NPPA: variants seen among roughly 807,000 people sequenced by gnomAD.
The protein encoded by NPPA is natriuretic peptide A.
Under a neutral mutation model 12.2 loss-of-function variants are expected in NPPA, and 10 were observed. The ratio of observed to expected loss-of-function variants is 0.82; its 90% confidence interval spans 0.50 to 1.38. The LOEUF (loss-of-function observed/expected upper bound fraction) is 1.38, where lower values mean the gene tolerates loss of function less well. Ranked by LOEUF, NPPA falls within the 40% of genes most tolerant of loss-of-function variation. The probability of loss-of-function intolerance (pLI) is 0.00; values close to 1 mark genes in which losing one functional copy is unlikely to be tolerated. For missense variants in NPPA, 207 were observed against 193.5 expected (o/e 1.07, Z -0.41); for synonymous variants, 85 against 80.2 (o/e 1.06, Z -0.32).
chr1:11,845,820 C>G lies in NPPA; in HGVS notation c.*189G>C. 1 of 656,046 alleles carries G rather than the reference C, an allele frequency of 1.5e-6. No individual in the cohort carries two copies. The highest frequency in any genetic ancestry group is 2.3e-5 in the Admixed American group (1 of 43,220). 40.6% of individuals were successfully genotyped at this position (656,046 alleles called of 1,614,324 possible). On this transcript the variant is annotated 3_prime_UTR_variant, in exon 3 of 3. Transcript: ENST00000376480. The stretch of plus-strand genomic sequence containing the variant: ...TGGGGTGGGAGAGGCGAGGAAGTCA[C>G]CATCAAACCACTTTATCTACAGTTA...
Position 11,847,330 on chromosome 1 carries a change from G to A in NPPA, c.233C>T (p.Pro78Leu). The A allele has an allele frequency of 6.2e-7, 1 of 1,613,648 alleles. No homozygotes were observed. The highest frequency in any genetic ancestry group is 1.1e-5 in the South Asian group (1 of 91,080). Residue 78 changes from proline to leucine, a missense_variant, in exon 2 of 3, where the codon CCT becomes CTT. Coordinates refer to ENST00000376480, the MANE Select transcript of NPPA (RefSeq NM_006172.4). ...EEAGAALSPL[P>L]EVPPWTGEVS... ...TTCCCCGGTCCAGGGAGGCACCTCAGGGAGGGGGCTGAGAGCAGCCCCCGC... is the reference window on the plus strand; with the variant it reads ...TTCCCCGGTCCAGGGAGGCACCTCAAGGAGGGGGCTGAGAGCAGCCCCCGC...
Position 11,847,189 on chromosome 1 carries a change from A to C in NPPA, c.374T>G (p.Leu125Arg). The C allele has an allele frequency of 6.2e-7, 1 of 1,601,384 alleles. No homozygotes were observed. The highest frequency in any genetic ancestry group is 8.5e-7 in the Non-Finnish European group (1 of 1,170,806). Reference sequence around the variant, plus strand: ...GCCCCCGAAGCAGCTGGATCTCCGCAGGCTCCGAGGGGCAGTGAGCAGCGC... The same window carrying C: ...GCCCCCGAAGCAGCTGGATCTCCGCCGGCTCCGAGGGGCAGTGAGCAGCGC... ...LRALLTAPRS[L>R]RRSSCFGGRM... The change falls in exon 2 of 3, where the codon CTG becomes CGG. Residue 125 changes from leucine (L) to arginine (R), a missense_variant. Physicochemically the swap from Leu to Arg is moderately radical, Grantham distance 102 (BLOSUM62 -2). Transcript: ENST00000376480.
In NPPA at chr1:11,846,023, A is replaced by C. The variant is rs776697644; in HGVS notation, c.451-9T>G. The stretch of plus-strand genomic sequence containing the variant: ...GGCTGTTATCTTCAGTACTGCAAAG[A>C]GAACACAGACATATCTGGCTTGGTG... On this transcript the variant is annotated splice_polypyrimidine_tract_variant and intron_variant, in intron 2 of 2. Coordinates refer to ENST00000376480, the MANE Select transcript of NPPA (RefSeq NM_006172.4). 1 of 1,614,056 alleles carries C rather than the reference A, an allele frequency of 6.2e-7. No individual in the cohort carries two copies. Among genetic ancestry groups the C allele is most frequent in the African/African-American group, 1.3e-5 (1 of 75,028 alleles).
At chr1:11,846,207 T>C (rs931830514) in intron 2 of NPPA, among the ~76,000 whole-genome samples, 193 bp from the exon 3 acceptor site, 2 of 152,172 alleles carry the variant, frequency 1.3e-5, no homozygotes, top group African/African-American at 4.8e-5. Context: ...AAATTTCACT[T>C]AAGCCCTTCA....
At chr1:11,847,091 T>A (rs1645073895) in intron 2 of NPPA, 22 bp downstream of exon 2, 6 of 1,515,836 alleles carry the variant, frequency 4.0e-6, no homozygotes, top group Non-Finnish European at 8.8e-7. Flanking sequence ...CCCATCCCAT[T>A]TCCATCCCCA....
rs369737600 is a variant in NPPA, at chr1:11,847,243, C to A, written c.320G>T (p.Arg107Leu). The A allele has an allele frequency of 6.2e-7, 1 of 1,612,914 alleles. No individual in the cohort carries two copies. The highest frequency in any genetic ancestry group is 8.5e-7 in the Non-Finnish European group (1 of 1,179,194). ...LGRGPWDSSD[R>L]SALLKSKLRA... The stretch of plus-strand genomic sequence containing the variant: ...CAGCTTGCTTTTTAGGAGGGCAGAT[C>A]GATCAGAGGAGTCCCAGGGGCCCCG... The change falls in exon 2 of 3, where the codon CGA (arginine) becomes CTA (leucine). Residue 107 changes from arginine (R) to leucine (L), a missense_variant. Coordinates refer to ENST00000376480, the MANE Select transcript of NPPA (RefSeq NM_006172.4).
Position 11,847,324 on chromosome 1 carries a change from A to C in NPPA, c.239T>G (p.Val80Gly). 6.2e-7 allele frequency: 1 copy of C among 1,613,442 alleles called. No homozygotes were observed. The highest frequency in any genetic ancestry group is 8.5e-7 in the Non-Finnish European group (1 of 1,179,728). ...AGAALSPLPE[V>G]PPWTGEVSPA... ...GCTGACTTCCCCGGTCCAGGGAGGC[A>C]CCTCAGGGAGGGGGCTGAGAGCAGC... Residue 80 changes from valine to glycine, a missense_variant, in exon 2 of 3, where the codon GTG becomes GGG. Val to Gly is a moderately radical substitution (Grantham distance 109). Transcript: ENST00000376480.
chr1:11,846,060 C>G (rs367584433), intron 2 of NPPA, 46 bp from the exon 3 acceptor site: 4 of 1,609,916 alleles, frequency 2.5e-6, no homozygotes, highest in East Asian at 2.2e-5. Context: ...CCTGGCTGTC[C>G]TGGAAAAGTC....
intron 2 of NPPA, among the ~76,000 whole-genome samples, chr1:11,846,742 A>G (rs1645071196): frequency 6.7e-6 from 1 of 150,208 alleles, no homozygotes; most frequent in African/African-American, 2.5e-5. Context: ...CAGCCTCCCA[A>G]GTAGCTGAGA....
At position 11,847,638 on chromosome 1, in the gene NPPA, G is replaced by A. The variant is rs367817975; in HGVS notation, c.47C>T (p.Ala16Val). 1.9e-6 allele frequency: 3 copies of A among 1,614,154 alleles called. No individual in the cohort carries two copies. The highest frequency in any genetic ancestry group is 2.5e-6 in the Non-Finnish European group (3 of 1,180,028). ...TCTGGTCTGACCTAGGAGCTGGAAT[G>A]CCAGTAAAAGGAGGAAGCTCACGGT... ...TTTVSFLLLL[A>V]FQLLGQTRAN... Residue 16 changes from alanine to valine, a missense_variant, in exon 1 of 3, where the codon GCA becomes GTA. Transcript: ENST00000376480.
chr1:11,846,037 T>C (rs1645066284), intron 2 of NPPA, 23 bp from the exon 3 acceptor site: 4 of 1,613,862 alleles, frequency 2.5e-6, no homozygotes, highest in South Asian at 1.1e-5. Context: ...CACAGACATA[T>C]CTGGCTTGGT....
Position 11,847,111 on chromosome 1 carries a change from AC to A in NPPA, c.450+1del, listed in dbSNP as rs749205766. Reference sequence around the variant, plus strand: ...CCCATTTCCATCCCCAGTTCCTCTTACCCGGAAGCTGTTACAGCCCAGTCCG... The same window carrying A: ...CCCATTTCCATCCCCAGTTCCTCTTACCGGAAGCTGTTACAGCCCAGTCCG... On this transcript the variant is annotated splice_donor_variant, in intron 2 of 2. Coordinates refer to ENST00000376480, the MANE Select transcript of NPPA (RefSeq NM_006172.4). LOFTEE classifies it high-confidence loss of function. 1 of 1,526,144 alleles carries A rather than the reference AC, an allele frequency of 6.6e-7. No individual in the cohort carries two copies. The highest frequency in any genetic ancestry group is 8.8e-7 in the Non-Finnish European group (1 of 1,138,326). 94.5% of individuals were successfully genotyped at this position (1,526,144 alleles called of 1,614,324 possible). A position where few individuals can be genotyped will look rare whatever the true frequency, so the allele number is the denominator to read the frequency against.
Position 11,847,137 on chromosome 1 carries a change from G to A in NPPA, c.426C>T (p.Ser142=), listed in dbSNP as rs747448548. 16 of 1,557,824 alleles carry A rather than the reference G, an allele frequency of 1.0e-5. No homozygotes were observed. Among genetic ancestry groups the A allele is most frequent in the East Asian group, 4.5e-5 (2 of 44,254 alleles). Residue 142 remains serine (S), a synonymous_variant, in exon 2 of 3, where the codon AGC becomes AGT. Coordinates refer to ENST00000376480, the MANE Select transcript of NPPA (RefSeq NM_006172.4). The part of the protein sequence containing the change: ...GGRMDRIGAQ[S]GLGCNSFRY ...CCCGGAAGCTGTTACAGCCCAGTCCGCTCTGGGCTCCAATCCTGTCCATCC... is the reference window on the plus strand; with the variant it reads ...CCCGGAAGCTGTTACAGCCCAGTCCACTCTGGGCTCCAATCCTGTCCATCC...
At position 11,847,045 on chromosome 1, in the gene NPPA, C is replaced by T. The variant is rs1316612605; in HGVS notation, c.450+68G>A. The T allele has an allele frequency of 4.2e-6, 6 of 1,415,732 alleles. No individual in the cohort carries two copies. In the African/African-American group the frequency reaches 8.6e-5, roughly 20 times the overall value. 87.7% of individuals were successfully genotyped at this position (1,415,732 alleles called of 1,614,324 possible). On this transcript the variant is annotated intron_variant, in intron 2 of 2. Transcript: ENST00000376480. Reference sequence around the variant, plus strand: ...GAGGGAATGAGCTTCTGCATTGGTCCCTTTCCTGCTGAAGGTGTCTCCCAG... The same window carrying T: ...GAGGGAATGAGCTTCTGCATTGGTCTCTTTCCTGCTGAAGGTGTCTCCCAG...
At position 11,847,389 on chromosome 1, in the gene NPPA, C is replaced by T. The variant is rs770869401; in HGVS notation, c.174G>A (p.Val58=). Residue 58 remains valine (V), a synonymous_variant, in exon 2 of 3, where the codon GTG becomes GTA. Coordinates refer to ENST00000376480, the MANE Select transcript of NPPA (RefSeq NM_006172.4). ...EEKMPLEDEV[V]PPQVLSEPNE... The stretch of plus-strand genomic sequence containing the variant: ...TCGGCTCACTGAGCACTTGTGGGGG[C>T]ACGACCTCATCTTCTAAAGGCATCT... 6 of 1,614,056 alleles carry T rather than the reference C, an allele frequency of 3.7e-6. No individual in the cohort carries two copies. Among genetic ancestry groups the T allele is most frequent in the Non-Finnish European group, 8.5e-7 (1 of 1,179,994 alleles).
rs751006044 is a variant in NPPA at position 11,845,997 on chromosome 1, T to G, written c.*12A>C. The G allele has an allele frequency of 1.9e-6, 3 of 1,613,912 alleles. No homozygotes were observed. The South Asian group carries it at 3.3e-5, about 18-fold the overall frequency. On this transcript the variant is annotated 3_prime_UTR_variant, in exon 3 of 3. Transcript: ENST00000376480. ...TAGGCCCAGCCCTGCTTGTCCTCCC[T>G]GGCTGTTATCTTCAGTACTGCAAAG... is the stretch of plus-strand genomic sequence containing the variant.
chr1:11,846,132 GC>G (rs981805448), intron 2 of NPPA, 118 bp from the exon 3 acceptor site: 6 of 959,316 alleles, frequency 6.3e-6, no homozygotes, highest in Non-Finnish European at 8.6e-6. Flanking sequence ...CTTCCCACCG[GC>G]CCCCACCCCA....
In NPPA at chr1:11,847,381, TGTG is replaced by T. The variant is rs1645076590; in HGVS notation, c.179_181del (p.Pro60del). The stretch of plus-strand genomic sequence containing the variant: ...TTCTTCATTCGGCTCACTGAGCACT[TGTG>T]GGGGCACGACCTCATCTTCTAAAGG... On this transcript the variant is annotated inframe_deletion, in exon 2 of 3. Coordinates refer to ENST00000376480, the MANE Select transcript of NPPA (RefSeq NM_006172.4). The T allele has an allele frequency of 1.9e-6, 3 of 1,613,880 alleles. No individual in the cohort carries two copies. Among genetic ancestry groups the T allele is most frequent in the Non-Finnish European group, 2.5e-6 (3 of 1,179,978 alleles).
At chr1:11,847,035 T>G in intron 2 of NPPA, 78 bp downstream of exon 2, 1 of 1,347,182 alleles carries the variant, frequency 7.4e-7, no homozygotes, top group Non-Finnish European at 1.0e-6. Context: ...AATGAGCTTC[T>G]GCATTGGTCC....
Sources: gnomAD v4.1 joint callset for allele counts (sites outside exome capture counted in the v4.1 genomes callset) on GRCh38, gnomAD v4.1.1 for gene constraint, MANE v1.5 for transcripts, NCBI Gene and HGNC (gene_info 2026-07-23, HGNC 2026-07-21) for gene names.